NRXN3: variants seen among roughly 807,000 people sequenced by gnomAD.
The protein encoded by NRXN3 is neurexin 3, also known as neurexin III.
In NRXN3, 32 loss-of-function variants were observed where a neutral mutation model predicts 137.6. That is an observed-to-expected ratio of 0.23 (90% CI 0.18 to 0.31). The LOEUF is 0.31. Among genes scored for constraint, NRXN3 ranks in the 10% least tolerant of loss-of-function variants. The pLI, the probability that NRXN3 is intolerant of heterozygous loss-of-function variation, is 1.00. For synonymous variants in NRXN3, 798 were observed against 784.5 expected (o/e 1.02, Z -0.29); for missense variants, 1,574 against 2,062.5 (o/e 0.76, Z 4.59).
intron 10 of NRXN3, among the ~76,000 whole-genome samples, chr14:78,868,624 A>G (rs2099093408): frequency 6.6e-6 from 1 of 152,092 alleles, no homozygotes; most frequent in Non-Finnish European, 1.5e-5. Flanking sequence ...GTTTGAGACC[A>G]GCCTGACCAA....
intron 15 of NRXN3, among the ~76,000 whole-genome samples, chr14:79,295,853 C>T (rs2084006041): frequency 6.6e-6 from 1 of 152,190 alleles, no homozygotes; most frequent in African/African-American, 2.4e-5. Flanking sequence ...TCTCCCACTG[C>T]ACAGTGAGTT....
intron 4 of NRXN3, among the ~76,000 whole-genome samples, chr14:78,501,183 T>C (rs932602685): frequency 1.3e-5 from 2 of 152,166 alleles, no homozygotes; most frequent in Non-Finnish European, 2.9e-5. Flanking sequence ...ACAGTTTCCA[T>C]GGAGGAGGAA....
chr14:78,911,737 A>G (rs1481273195), intron 10 of NRXN3, among the ~76,000 whole-genome samples: 1 of 152,292 alleles, frequency 6.6e-6, no homozygotes, highest in African/African-American at 2.4e-5. Context: ...AGTAACACAT[A>G]CTAAAATAAT....
At chr14:79,789,984 T>C (rs117552547) in intron 19 of NRXN3, among the ~76,000 whole-genome samples, 112 of 152,242 alleles carry the variant, frequency 7.4e-4, no homozygotes, top group Non-Finnish European at 1.3e-3. Context: ...AAGGACACCA[T>C]AGACAGAGGC....
At chr14:79,037,479 A>G (rs981936349) in intron 15 of NRXN3, among the ~76,000 whole-genome samples, 2 of 152,130 alleles carry the variant, frequency 1.3e-5, no homozygotes, top group Admixed American at 6.6e-5. Context: ...GCAAAATAAA[A>G]GGGATGATTT....
intron 4 of NRXN3, among the ~76,000 whole-genome samples, chr14:78,307,051 G>A (rs938506080): frequency 5.3e-5 from 8 of 152,032 alleles, no homozygotes; most frequent in Non-Finnish European, 1.0e-4. Context: ...GATCACCCAC[G>A]CTTTACATTA....
At chr14:79,350,899 A>T (rs1226066985) in intron 15 of NRXN3, among the ~76,000 whole-genome samples, 1 of 152,170 alleles carries the variant, frequency 6.6e-6, no homozygotes, top group African/African-American at 2.4e-5. Flanking sequence ...AAGACACCAT[A>T]TGCTACACAA....
intron 8 of NRXN3, among the ~76,000 whole-genome samples, chr14:78,790,621 T>G (rs768456074): frequency 1.6e-4 from 25 of 152,060 alleles, no homozygotes; most frequent in Non-Finnish European, 3.4e-4. Context: ...TTAGAAGCTT[T>G]GTCAGAATAA....
At chr14:79,733,672 T>C (rs905719470) in intron 19 of NRXN3, among the ~76,000 whole-genome samples, 1 of 95,924 alleles carries the variant, frequency 1.0e-5, no homozygotes, top group Non-Finnish European at 2.3e-5. Flanking sequence ...TTTGCTGTTG[T>C]TGTTTTTTTT....
At chr14:79,797,370 C>T (rs938599354) in intron 19 of NRXN3, among the ~76,000 whole-genome samples, 2 of 152,096 alleles carry the variant, frequency 1.3e-5, no homozygotes, top group East Asian at 1.9e-4. Flanking sequence ...TGGCATAAAC[C>T]TTGTAAGACA....
chr14:79,098,391 C>T (rs1253971807), intron 15 of NRXN3, among the ~76,000 whole-genome samples: 1 of 152,150 alleles, frequency 6.6e-6, no homozygotes, highest in African/African-American at 2.4e-5. Context: ...ATTTTCTTCT[C>T]TAATTAGCAG....
At chr14:79,030,672 A>T (rs2152489966) in intron 15 of NRXN3, among the ~76,000 whole-genome samples, 2 of 36,954 alleles carry the variant, frequency 5.4e-5, no homozygotes, top group African/African-American at 8.9e-5. Context: ...TTTTCATTGT[A>T]GAGGTTCCTA....
chr14:79,698,889 C>T (rs1485348991), intron 19 of NRXN3, among the ~76,000 whole-genome samples: 2 of 151,984 alleles, frequency 1.3e-5, no homozygotes, highest in Non-Finnish European at 1.5e-5. Context: ...CTCCAATGGA[C>T]GTGGTTAACT....
At chr14:79,215,238 A>C (rs1258095053) in intron 15 of NRXN3, among the ~76,000 whole-genome samples, 3 of 152,174 alleles carry the variant, frequency 2.0e-5, no homozygotes, top group African/African-American at 7.2e-5. Context: ...TCGCCACAAT[A>C]TTGATGGCCC....
chr14:78,502,140 A>G (rs1286331555), intron 4 of NRXN3, among the ~76,000 whole-genome samples: 2 of 152,108 alleles, frequency 1.3e-5, no homozygotes, highest in African/African-American at 2.4e-5. Flanking sequence ...GCACAGAAAT[A>G]TCTGCCGTGT....
chr14:78,545,945 T>A (rs2096632837), intron 4 of NRXN3, among the ~76,000 whole-genome samples: 1 of 152,226 alleles, frequency 6.6e-6, no homozygotes, highest in African/African-American at 2.4e-5. Context: ...TATTCCAGTC[T>A]GATGATATGT....
intron 3 of NRXN3, among the ~76,000 whole-genome samples, chr14:78,292,442 T>C (rs2075894129): frequency 1.3e-5 from 2 of 152,112 alleles, no homozygotes; most frequent in South Asian, 4.1e-4. Context: ...GCGCCACAGA[T>C]AGGCAGGTAC....
chr14:78,711,434 C>CTT (rs35251417), intron 7 of NRXN3, among the ~76,000 whole-genome samples: 17 of 99,046 alleles, frequency 1.7e-4, no homozygotes, highest in East Asian at 1.1e-3. Flanking sequence ...ATTCTTTTCT[C>CTT]TTTTTTTTTT....
intron 10 of NRXN3, among the ~76,000 whole-genome samples, chr14:78,920,380 T>C (rs911368349): frequency 5.9e-5 from 9 of 152,210 alleles, no homozygotes; most frequent in African/African-American, 2.2e-4. Context: ...TACTGGAAAT[T>C]TTTATTTTAG....
Sources: gnomAD v4.1 joint callset for allele counts (sites outside exome capture counted in the v4.1 genomes callset) on GRCh38, gnomAD v4.1.1 for gene constraint, MANE v1.5 for transcripts, NCBI Gene and HGNC (gene_info 2026-07-23, HGNC 2026-07-21) for gene names.